ZNF718: variants seen among roughly 807,000 people sequenced by gnomAD.
ZNF718 encodes zinc finger protein 718.
Under a neutral mutation model 2.6 loss-of-function variants are expected in ZNF718, and 3 were observed. The observed-to-expected ratio is 1.16, with a 90% CI of 0.53 to 3.01. The LOEUF is 3.01. Ranked by LOEUF, ZNF718 falls within the 30% of genes most tolerant of loss-of-function variation. ZNF718 has a pLI of 0.03. For synonymous variants in ZNF718, 135 were observed against 77.9 expected (o/e 1.73, Z -3.86); for missense variants, 468 against 230.0 (o/e 2.03, Z -6.69).
rs1161285191 is a variant in ZNF718, at chr4:160,925, T to G, written c.240T>G (p.His80Gln). The G allele has an allele frequency of 1.3e-6, 1 of 759,334 alleles. No homozygotes were observed. Among genetic ancestry groups the G allele is most frequent in the Admixed American group, 1.9e-5 (1 of 52,222 alleles). 47.0% of individuals were successfully genotyped at this position (759,334 alleles called of 1,614,324 possible). Reference sequence around the variant, plus strand: ...TATTTCTTTCAGCTGTGTGTTCTCATTTCACCCAAAACCTTTGGACAGTGC... The same window carrying G: ...TATTTCTTTCAGCTGTGTGTTCTCAGTTCACCCAAAACCTTTGGACAGTGC... The part of the protein sequence containing the change: ...TAARPPAVCS[H>Q]FTQNLWTVQG... The change falls in exon 4 of 4, where the codon CAT becomes CAG. Residue 80 changes from histidine (H) to glutamine (Q), a missense_variant. Transcript: ENST00000510175.
intron 3 of ZNF718, among the ~76,000 whole-genome samples, chr4:174,929 A>G (rs1017836286): frequency 2.0e-5 from 3 of 152,200 alleles, no homozygotes; most frequent in African/African-American, 7.2e-5. Flanking sequence ...GAAAGAACTA[A>G]TCGAGCTATT....
chr4:127,500 A>G (rs1715266796), intron 1 of ZNF718, among the ~76,000 whole-genome samples: 1 of 103,930 alleles, frequency 9.6e-6, no homozygotes, highest in Admixed American at 1.0e-4. Context: ...GAGAACTTCA[A>G]TTCTCTCCCT....
intron 3 of ZNF718, among the ~76,000 whole-genome samples, chr4:171,255 T>C (rs1486099293): frequency 6.6e-6 from 1 of 152,166 alleles, no homozygotes; most frequent in Non-Finnish European, 1.5e-5. Flanking sequence ...CTACCCCTAC[T>C]GGGGGATGCC....
chr4:140,526 G>A (rs1331831916), intron 3 of ZNF718, among the ~76,000 whole-genome samples: 1 of 152,100 alleles, frequency 6.6e-6, no homozygotes, highest in African/African-American at 2.4e-5. Flanking sequence ...GCCCTCCTTT[G>A]GTATGGTTTG....
chr4:131,437 T>A lies in ZNF718; in HGVS notation c.158T>A (p.Val53Asp). The change falls in exon 3 of 4, where the codon GTC becomes GAC. Residue 53 changes from valine to aspartate, a missense_variant. Physicochemically the swap from Val to Asp is radical, Grantham distance 152 (BLOSUM62 -3). Transcript: ENST00000510175. ...LGVSISNPDL[V>D]TSLEQRKEPY... is the part of the protein sequence containing the mutation. ...GTTAGTATCTCTAACCCAGACCTGG[T>A]CACCAGTCTGGAGCAAAGAAAAGAG... 1 of 520,222 alleles carries A rather than the reference T, an allele frequency of 1.9e-6. No individual in the cohort carries two copies. Among genetic ancestry groups the A allele is most frequent in the African/African-American group, 2.4e-5 (1 of 41,628 alleles). The allele number at this position is 520,222 out of a possible 1,614,324, so 32.2% of individuals were successfully genotyped here.
Position 161,194 on chromosome 4 carries a change from C to T in ZNF718, c.509C>T (p.Thr170Ile), listed in dbSNP as rs1553814980. The change falls in exon 4 of 4, where the codon ACC becomes ATC. Residue 170 changes from threonine to isoleucine, a missense_variant. Physicochemically the swap from Thr to Ile is moderately conservative, Grantham distance 89. Transcript: ENST00000510175. ...KDKIRYTGDKTFKCKECGKSF... is the reference protein window; with the variant it reads ...KDKIRYTGDKIFKCKECGKSF... Reference sequence around the variant, plus strand: ...AAGATAAGATATACTGGAGATAAAACCTTTAAATGTAAAGAATGTGGCAAA... The same window carrying T: ...AAGATAAGATATACTGGAGATAAAATCTTTAAATGTAAAGAATGTGGCAAA... 1.0e-5 allele frequency: 8 copies of T among 769,946 alleles called. No individual in the cohort carries two copies. The highest frequency in any genetic ancestry group is 1.8e-5 in the Admixed American group (1 of 56,030). The allele number at this position is 769,946 out of a possible 1,614,324, so 47.7% of individuals were successfully genotyped here.
At chr4:191,685 C>G (rs1377010808) in intron 3 of ZNF718, among the ~76,000 whole-genome samples, 1 of 152,156 alleles carries the variant, frequency 6.6e-6, no homozygotes, top group Non-Finnish European at 1.5e-5. Context: ...GAAATGGACA[C>G]TTACCAGCAA....
chr4:197,535 C>T lies in ZNF718; in HGVS notation c.227-3546C>T, dbSNP rs1332006779. Among the ~76,000 whole-genome samples the T allele has an allele frequency of 3.3e-5, 5 of 152,264 alleles. 1 individual carries two copies. Among genetic ancestry groups the T allele is most frequent in the Admixed American group, 3.3e-4 (5 of 15,302 alleles). ...TGACCCACTCCAGAAAGCTAAGCCA[C>T]TCTGGGGCCCTGGGGTGGAAAACTC... On this transcript the variant is annotated intron_variant and NMD_transcript_variant, in intron 3 of 4. Transcript: ENST00000642529.
chr4:162,586 A>G lies in ZNF718; in HGVS notation c.*464A>G, dbSNP rs1198545828. ...AATACAGGTCTTAAAAGTGAAGAAG[A>G]GTATTCTGAAGATAGACAATAGAAA... On this transcript the variant is annotated 3_prime_UTR_variant, in exon 4 of 4. Transcript: ENST00000510175. 6.5e-6 allele frequency: 1 copy of G among 153,560 alleles called. No individual in the cohort carries two copies. Among genetic ancestry groups the G allele is most frequent in the African/African-American group, 2.4e-5 (1 of 41,460 alleles). The allele number at this position is 153,560 out of a possible 1,614,324, so 9.5% of individuals were successfully genotyped here.
At chr4:195,293 C>T (rs1717769482) in intron 3 of ZNF718, among the ~76,000 whole-genome samples, 1 of 152,152 alleles carries the variant, frequency 6.6e-6, no homozygotes, top group African/African-American at 2.4e-5. Flanking sequence ...TTTGGGCAGA[C>T]CAATTATTAA....
Position 130,350 on chromosome 4 carries a change from G to A in ZNF718, c.4-438G>A, listed in dbSNP as rs1267083071. Among the ~76,000 whole-genome samples, 2 of 103,846 alleles carry A rather than the reference G, an allele frequency of 1.9e-5. 1 individual carries two copies. The highest frequency in any genetic ancestry group is 6.7e-5 in the African/African-American group (2 of 29,920). The allele number at this position is 103,846 out of a possible 152,430, so 68.1% of individuals were successfully genotyped here. On this transcript the variant is annotated intron_variant, in intron 1 of 3. Transcript: ENST00000510175. ...AACCTTAGAGGCAATGCTTGGCTGA[G>A]TGACTCTTAGCCCAGTCTTGCAGTA...
chr4:178,497 A>C (rs868920550), intron 3 of ZNF718, among the ~76,000 whole-genome samples: 8 of 152,224 alleles, frequency 5.3e-5, no homozygotes, highest in African/African-American at 1.9e-4. Context: ...AGGCTGCATT[A>C]TTCTCTTCTA....
chr4:179,114 A>AT (rs1234791043), intron 3 of ZNF718, among the ~76,000 whole-genome samples: 4 of 152,092 alleles, frequency 2.6e-5, no homozygotes, highest in African/African-American at 7.2e-5. Context: ...TAGGTGTTGA[A>AT]TTTTTTGACA....
At position 163,034 on chromosome 4, in the gene ZNF718, T is replaced by G. The variant is rs1023441657; in HGVS notation, c.*912T>G. ...GAAATTATTCCATTGAAATTATACT[T>G]TTTTTACCTGAAAAAATTATAGATT... On this transcript the variant is annotated 3_prime_UTR_variant, in exon 4 of 4. Coordinates refer to ENST00000510175, the MANE Select transcript of ZNF718 (RefSeq NM_001039127.6). The G allele has an allele frequency of 6.6e-6, 1 of 152,164 alleles. No individual in the cohort carries two copies. Among genetic ancestry groups the G allele is most frequent in the African/African-American group, 2.4e-5 (1 of 41,436 alleles). The allele number at this position is 152,164 out of a possible 1,614,324, so 9.4% of individuals were successfully genotyped here.
At chr4:173,178 G>A (rs887869780) in intron 3 of ZNF718, among the ~76,000 whole-genome samples, 4 of 151,054 alleles carry the variant, frequency 2.6e-5, no homozygotes, top group African/African-American at 7.3e-5. Context: ...TTTTTCAACT[G>A]CCCTTCCCCA....
chr4:201,277 A>C (rs1553822752), intron 4 of ZNF718: 1 of 152,446 alleles, frequency 6.6e-6, no homozygotes, highest in African/African-American at 2.4e-5. Flanking sequence ...TTCACAAATA[A>C]AAGTCCTAAT....
At chr4:137,604 A>C (rs1022380955) in intron 3 of ZNF718, among the ~76,000 whole-genome samples, 1 of 152,182 alleles carries the variant, frequency 6.6e-6, no homozygotes, top group African/African-American at 2.4e-5. Flanking sequence ...AAAGATTAAA[A>C]ATTTTTTCAA....
intron 3 of ZNF718, among the ~76,000 whole-genome samples, chr4:189,223 G>T (rs1427267600): frequency 6.6e-6 from 1 of 151,620 alleles, no homozygotes; most frequent in African/African-American, 2.4e-5. Flanking sequence ...ACCATGCCCG[G>T]CTACTGTAAA....
intron 3 of ZNF718, among the ~76,000 whole-genome samples, chr4:177,461 G>A (rs1480937973): frequency 1.3e-5 from 2 of 152,096 alleles, no homozygotes; most frequent in Non-Finnish European, 2.9e-5. Flanking sequence ...TGCCACTTAG[G>A]TCTAGTTCTC....
Sources: gnomAD v4.1 joint callset for allele counts (sites outside exome capture counted in the v4.1 genomes callset) on GRCh38, gnomAD v4.1.1 for gene constraint, MANE v1.5 for transcripts, NCBI Gene and HGNC (gene_info 2026-07-23, HGNC 2026-07-21) for gene names.